The following CNBD1 variants were observed in gnomAD, a reference collection of about 807,000 sequenced individuals.
The protein encoded by CNBD1 is cyclic nucleotide binding domain containing 1.
In CNBD1, 71 loss-of-function variants were observed where a neutral mutation model predicts 54.4. The ratio of observed to expected loss-of-function variants is 1.30; its 90% CI spans 1.08 to 1.59. The LOEUF (loss-of-function observed/expected upper bound fraction) is 1.59, where lower values mean the gene tolerates loss of function less well. CNBD1 is among the 40% of genes most tolerant of loss of function. The probability of loss-of-function intolerance (pLI) is 0.00; values close to 1 mark genes in which losing one functional copy is unlikely to be tolerated. For synonymous variants in CNBD1, 182 were observed against 170.7 expected (o/e 1.07, Z -0.51); for missense variants, 659 against 518.0 (o/e 1.27, Z -2.64).
At position 87,142,357 on chromosome 8, in the gene CNBD1, G is replaced by A. The variant is rs34958063; in HGVS notation, c.432-63636G>A. Among the ~76,000 whole-genome samples the A allele has an allele frequency of 4.8e-3, 727 of 152,242 alleles. 4 individuals are homozygous for A. The highest frequency in any genetic ancestry group is 8.1e-3 in the Non-Finnish European group (550 of 67,984). ...AGCTTCAAGTAAGAGCAGATAAAATGAACTGCAGGTTTTTCCACAGATAAC... is the reference window on the plus strand; with the variant it reads ...AGCTTCAAGTAAGAGCAGATAAAATAAACTGCAGGTTTTTCCACAGATAAC... On this transcript the variant is annotated intron_variant, in intron 4 of 10. Transcript: ENST00000518476.
intron 2 of CNBD1, among the ~76,000 whole-genome samples, chr8:87,427,067 A>T (rs1808063171): frequency 6.6e-6 from 1 of 152,106 alleles, no homozygotes; most frequent in African/African-American, 2.4e-5. Context: ...TGAACAGATA[A>T]TGGAAGGGAA....
intron 4 of CNBD1, among the ~76,000 whole-genome samples, chr8:86,966,710 C>G (rs1808084166): frequency 6.6e-6 from 1 of 152,176 alleles, no homozygotes; most frequent in African/African-American, 2.4e-5. Flanking sequence ...GTCTTGCTAG[C>G]TTCAGGAGTG....
chr8:86,920,274 A>G (rs1330822974), intron 3 of CNBD1, among the ~76,000 whole-genome samples: 1 of 152,310 alleles, frequency 6.6e-6, no homozygotes, highest in Non-Finnish European at 1.5e-5. Flanking sequence ...AAGAAGTCCA[A>G]CCAGTAGTTA....
intron 2 of CNBD1, among the ~76,000 whole-genome samples, chr8:87,417,744 T>C (rs923966258): frequency 2.0e-5 from 3 of 151,986 alleles, no homozygotes; most frequent in African/African-American, 7.2e-5. Context: ...TCATTTATGA[T>C]AGTATCAATA....
chr8:87,370,144 T>A (rs1289231384), intron 10 of CNBD1, among the ~76,000 whole-genome samples: 1 of 151,892 alleles, frequency 6.6e-6, no homozygotes, highest in Non-Finnish European at 1.5e-5. Flanking sequence ...ACATTTGGGT[T>A]GGTTCCAAGT....
intron 3 of CNBD1, among the ~76,000 whole-genome samples, chr8:86,910,752 G>A (rs77019004): frequency 1.5e-3 from 222 of 152,286 alleles, no homozygotes; most frequent in African/African-American, 5.1e-3. Flanking sequence ...CCATGACCAC[G>A]GAAAACTAGG....
chr8:87,337,340 C>A (rs1809965418), intron 8 of CNBD1, among the ~76,000 whole-genome samples: 1 of 152,156 alleles, frequency 6.6e-6, no homozygotes, highest in Admixed American at 6.5e-5. Context: ...ACTTCTGCTA[C>A]CCCTCCAACT....
intron 8 of CNBD1, among the ~76,000 whole-genome samples, chr8:87,318,304 A>G (rs1809443586): frequency 6.6e-6 from 1 of 152,090 alleles, no homozygotes; most frequent in African/African-American, 2.4e-5. Flanking sequence ...TGGGTGCTGG[A>G]TTAAATATGT....
At chr8:86,921,546 G>A (rs1809275757) in intron 3 of CNBD1, among the ~76,000 whole-genome samples, 3 of 152,142 alleles carry the variant, frequency 2.0e-5, no homozygotes, top group Admixed American at 6.6e-5. Context: ...GGCTGAGGAG[G>A]CCTCATGATC....
chr8:86,893,691 A>G (rs1355543508), intron 2 of CNBD1, among the ~76,000 whole-genome samples: 3 of 152,134 alleles, frequency 2.0e-5, no homozygotes, highest in South Asian at 4.1e-4. Flanking sequence ...TGCTCTTGAG[A>G]GTTTTTATTG....
At chr8:87,214,985 C>T (rs1035557237) in intron 5 of CNBD1, among the ~76,000 whole-genome samples, 1 of 152,106 alleles carries the variant, frequency 6.6e-6, no homozygotes, top group Non-Finnish European at 1.5e-5. Context: ...CCTAAATACA[C>T]ATCTAAGAAA....
rs145851393 is a variant in CNBD1 at position 87,078,950 on chromosome 8, C to A, written c.432-127043C>A. Among the ~76,000 whole-genome samples, 40 of 152,192 alleles carry A rather than the reference C, an allele frequency of 2.6e-4. No homozygotes were observed. The East Asian group carries it at 5.4e-3, about 21-fold the overall frequency. ...CAATTAAAGTAAATAAATTGATACACCACCAATATTAGACAAAACTGTGTT... is the reference window on the plus strand; with the variant it reads ...CAATTAAAGTAAATAAATTGATACAACACCAATATTAGACAAAACTGTGTT... On this transcript the variant is annotated intron_variant, in intron 4 of 10. Transcript: ENST00000518476.
chr8:87,080,721 T>C, intron 4 of CNBD1, among the ~76,000 whole-genome samples: 1 of 152,230 alleles, frequency 6.6e-6, no homozygotes, highest in Non-Finnish European at 1.5e-5. Context: ...TTTTAAATTA[T>C]AATTTATTTA....
At chr8:87,385,944 A>C (rs1459098608), downstream of CNBD1, among the ~76,000 whole-genome samples, 2 of 152,262 alleles carry the variant, frequency 1.3e-5, no homozygotes, top group African/African-American at 2.4e-5. Flanking sequence ...TCAGGCAGCA[A>C]CAGTTGCTGT....
At chr8:87,281,569 T>TAG in intron 6 of CNBD1, among the ~76,000 whole-genome samples, 1 of 22,828 alleles carries the variant, frequency 4.4e-5, no homozygotes, top group East Asian at 7.1e-4. Flanking sequence ...TATATATATA[T>TAG]ATATATATAT....
At chr8:87,327,497 A>G (rs180906115) in intron 8 of CNBD1, among the ~76,000 whole-genome samples, 38 of 152,298 alleles carry the variant, frequency 2.5e-4, no homozygotes, top group African/African-American at 8.4e-4. Flanking sequence ...TGTGGGATAT[A>G]GTTTCGTGGT....
At chr8:87,169,429 A>C (rs1813039301) in intron 4 of CNBD1, among the ~76,000 whole-genome samples, 1 of 151,950 alleles carries the variant, frequency 6.6e-6, no homozygotes, top group African/African-American at 2.4e-5. Context: ...CCGTTTGTCC[A>C]CTTTTGCTTT....
intron 4 of CNBD1, among the ~76,000 whole-genome samples, chr8:86,956,459 A>G (rs946566248): frequency 6.6e-6 from 1 of 152,188 alleles, no homozygotes; most frequent in Non-Finnish European, 1.5e-5. Context: ...CTTTCTATCC[A>G]TGAGCATGGA....
intron 4 of CNBD1, among the ~76,000 whole-genome samples, chr8:87,104,368 T>C (rs1443826802): frequency 1.3e-5 from 2 of 152,084 alleles, no homozygotes; most frequent in African/African-American, 2.4e-5. Context: ...TGAGAATAAA[T>C]AGAAGTAAAA....
Sources: allele counts gnomAD v4.1 joint callset (sites outside exome capture counted in the v4.1 genomes callset), GRCh38; gene constraint gnomAD v4.1.1; transcripts MANE v1.5; gene names NCBI Gene and HGNC (gene_info 2026-07-23, HGNC 2026-07-21).